The following RIMS2 variants were observed in gnomAD, a reference collection of about 807,000 sequenced individuals.
The protein encoded by RIMS2 is regulating synaptic membrane exocytosis 2.
A neutral mutation model predicts 174.4 loss-of-function variants in RIMS2; 59 were observed. That is an observed-to-expected ratio of 0.34 (90% CI 0.27 to 0.42). The LOEUF is 0.42. Ranked by LOEUF, RIMS2 falls within the 10% of genes least tolerant of loss-of-function variation. RIMS2 has a pLI of 1.00. For synonymous variants in RIMS2, 606 were observed against 572.5 expected (o/e 1.06, Z -0.84); for missense variants, 1,620 against 1,666.3 (o/e 0.97, Z 0.48).
intron 1 of RIMS2, among the ~76,000 whole-genome samples, chr8:103,662,535 G>T (rs957210615): frequency 6.6e-6 from 1 of 152,060 alleles, no homozygotes; most frequent in East Asian, 1.9e-4. Context: ...GCAGTTACAG[G>T]TGGAATATTT....
At chr8:103,871,688 C>A (rs946384211) in intron 3 of RIMS2, among the ~76,000 whole-genome samples, 6 of 152,008 alleles carry the variant, frequency 3.9e-5, no homozygotes, top group Admixed American at 3.3e-4. Context: ...TTTGTCACAA[C>A]ATGCAACTCA....
At chr8:103,937,337 T>C (rs185553022) in intron 13 of RIMS2, among the ~76,000 whole-genome samples, 213 of 152,286 alleles carry the variant, frequency 1.4e-3, no homozygotes, top group Non-Finnish European at 2.5e-3. Flanking sequence ...ATATATTGCT[T>C]TGTTTTATAG....
intron 9 of RIMS2, among the ~76,000 whole-genome samples, chr8:103,919,311 T>G (rs2077172829): frequency 6.6e-6 from 1 of 152,076 alleles, no homozygotes; most frequent in African/African-American, 2.4e-5. Context: ...CTAAGGTGCA[T>G]TTAAGGAAAT....
At chr8:103,610,048 T>G (rs996877479) in intron 1 of RIMS2, among the ~76,000 whole-genome samples, 2 of 152,222 alleles carry the variant, frequency 1.3e-5, no homozygotes, top group Non-Finnish European at 2.9e-5. Context: ...ATCTTTCACT[T>G]CCTTCATTAG....
rs879610008 is a variant in RIMS2 at position 103,757,006 on chromosome 8, T to A, written c.388-9221T>A. The stretch of plus-strand genomic sequence containing the variant: ...GTGTGTGTGTGTGTGTGTGTGTGTG[T>A]GTGTGAGAGAGAGAGAGAGAGAGAG... On this transcript the variant is annotated intron_variant, in intron 2 of 23. Transcript: ENST00000504942. 7.9e-3 allele frequency among the ~76,000 whole-genome samples: 1,013 copies of A among 128,822 alleles called. 6 individuals carry two copies. The highest frequency in any genetic ancestry group is 8.9e-3 in the Admixed American group (119 of 13,366). The allele number at this position is 128,822 out of a possible 152,430, so 84.5% of individuals were successfully genotyped here.
At chr8:104,036,207 G>A (rs2096511574) in intron 19 of RIMS2, among the ~76,000 whole-genome samples, 1 of 151,538 alleles carries the variant, frequency 6.6e-6, no homozygotes, top group South Asian at 2.1e-4. Flanking sequence ...CTGGAGTGCG[G>A]TGGTGCATTC....
At chr8:103,662,234 T>C (rs936765975) in intron 1 of RIMS2, among the ~76,000 whole-genome samples, 5 of 152,232 alleles carry the variant, frequency 3.3e-5, no homozygotes, top group Non-Finnish European at 7.3e-5. Context: ...AGAAGATGTT[T>C]TTGTGTAAGC....
rs760503085 is a variant in RIMS2, at chr8:103,975,673, G to T, written c.2927+167G>T. 2.1e-4 allele frequency: 109 copies of T among 524,466 alleles called. 1 individual carries two copies. Among genetic ancestry groups the T allele is most frequent in the Non-Finnish European group, 3.2e-4 (96 of 298,960 alleles). The allele number at this position is 524,466 out of a possible 1,614,324, so 32.5% of individuals were successfully genotyped here. A position where few individuals can be genotyped will look rare whatever the true frequency, so the allele number is the denominator to read the frequency against. On this transcript the variant is annotated intron_variant, in intron 16 of 23. Transcript: ENST00000504942. ...CACCATAGAATTTCTGCAAGCTGGGGAAGGGAGAAGCCAGTAGTGGCTTAG... is the reference window on the plus strand; with the variant it reads ...CACCATAGAATTTCTGCAAGCTGGGTAAGGGAGAAGCCAGTAGTGGCTTAG...
chr8:104,000,574 T>C (rs1954898), intron 17 of RIMS2, among the ~76,000 whole-genome samples: 56,430 of 151,624 alleles, frequency 0.37, 11,313 homozygotes, highest in Non-Finnish European at 0.43. Flanking sequence ...AATATATACC[T>C]AGCAAAGGGA....
intron 2 of RIMS2, among the ~76,000 whole-genome samples, chr8:103,750,383 T>C (rs1055407136): frequency 1.6e-4 from 25 of 152,280 alleles, no homozygotes; most frequent in Admixed American, 1.3e-3. Context: ...TTCCATTATA[T>C]AGAAGATTTT....
At chr8:103,885,717 T>C in exon 4 of RIMS2, 1 of 1,613,054 alleles carries the variant, frequency 6.2e-7, no homozygotes. Flanking sequence ...GATGTTTCTT[T>C]GGCAAATGCT....
At chr8:103,582,136 T>C (rs2093655060) in intron 1 of RIMS2, among the ~76,000 whole-genome samples, 1 of 152,148 alleles carries the variant, frequency 6.6e-6, no homozygotes, top group African/African-American at 2.4e-5. Flanking sequence ...GCGAGGTCCC[T>C]GTTCCAGGCC....
intron 19 of RIMS2, among the ~76,000 whole-genome samples, chr8:104,024,762 A>G (rs1342092506): frequency 6.6e-6 from 1 of 152,198 alleles, no homozygotes; most frequent in African/African-American, 2.4e-5. Context: ...TAACTTATAT[A>G]AAGTGTCTTA....
At position 104,148,598 on chromosome 8, in the gene RIMS2, G is replaced by A. The variant is rs753893450; in HGVS notation, c.3335-96318G>A. On this transcript the variant is annotated intron_variant, in intron 19 of 23. Transcript: ENST00000504942. ...TTGTCCTCACTTTTAATGATCCATC[G>A]GCTGACAGTGTCTTTACATCCAAAA... The A allele has an allele frequency of 5.0e-6, 8 of 1,594,236 alleles. No homozygotes were observed. The highest frequency in any genetic ancestry group is 1.1e-5 in the South Asian group (1 of 90,576).
At position 103,903,688 on chromosome 8, in the gene RIMS2, G is replaced by C. The variant is rs79998617; in HGVS notation, c.1625-6446G>C. ...ATAGAATAACTGAATACCAGAGTTAGACAGGATTTAGTGTGCTTCTTGTGT... is the reference window on the plus strand; with the variant it reads ...ATAGAATAACTGAATACCAGAGTTACACAGGATTTAGTGTGCTTCTTGTGT... On this transcript the variant is annotated intron_variant, in intron 4 of 23. Coordinates refer to ENST00000504942, the Ensembl canonical transcript of RIMS2. Among the ~76,000 whole-genome samples the C allele has an allele frequency of 9.2e-5, 14 of 152,228 alleles. No homozygotes were observed. The East Asian group carries it at 2.5e-3, about 27-fold the overall frequency.
At chr8:103,556,228 CA>C (rs1850388465) in intron 1 of RIMS2, among the ~76,000 whole-genome samples, 1 of 152,026 alleles carries the variant, frequency 6.6e-6, no homozygotes, top group African/African-American at 2.4e-5. Context: ...TGAGGTAATG[CA>C]TTTGTTTTAT....
At chr8:103,570,552 A>G (rs2092730194) in intron 1 of RIMS2, among the ~76,000 whole-genome samples, 1 of 152,102 alleles carries the variant, frequency 6.6e-6, no homozygotes. Context: ...GGGGTGGAAA[A>G]GGTCGATAAT....
intron 14 of RIMS2, among the ~76,000 whole-genome samples, chr8:103,954,753 G>A (rs796283155): frequency 3.9e-5 from 6 of 151,934 alleles, no homozygotes; most frequent in African/African-American, 1.2e-4. Context: ...AACTGAGATC[G>A]GAGCAGAACT....
exon 20 of RIMS2, chr8:104,244,956 T>C (rs1350789008): frequency 6.2e-7 from 1 of 1,613,816 alleles, no homozygotes; most frequent in Admixed American, 1.7e-5. Flanking sequence ...TCCAAAGAAG[T>C]ACAGAAACAG....
Sources: allele counts gnomAD v4.1 joint callset (sites outside exome capture counted in the v4.1 genomes callset), GRCh38; gene constraint gnomAD v4.1.1; transcripts MANE v1.5; gene names NCBI Gene and HGNC (gene_info 2026-07-23, HGNC 2026-07-21).